The following CIMIP4 variants were observed in gnomAD, a reference collection of about 807,000 sequenced individuals.
CIMIP4 encodes ciliary microtubule inner protein 4.
chr22:36,993,016 CTTTT>C, the CIMIP4 span, among the ~76,000 whole-genome samples: 1 of 136,262 alleles, frequency 7.3e-6, no homozygotes, highest in Non-Finnish European at 1.6e-5. Context: ...TTTTTTTTTT[CTTTT>C]TTTTTTTTTT....
the CIMIP4 span, chr22:36,991,570 C>G: frequency 1.2e-6 from 2 of 1,614,088 alleles, no homozygotes; most frequent in East Asian, 2.2e-5. Flanking sequence ...CTTCATGAGG[C>G]TCTTTGTCTC....
the CIMIP4 span, among the ~76,000 whole-genome samples, chr22:36,994,309 G>GTTA: frequency 0.029 from 4,464 of 151,948 alleles, 202 homozygotes; most frequent in African/African-American, 0.1. Context: ...CCAAGAGATT[G>GTTA]TTATTATTAT....
the CIMIP4 span, chr22:37,004,049 A>G: frequency 6.5e-7 from 1 of 1,533,020 alleles, no homozygotes; most frequent in South Asian, 1.2e-5. Context: ...ACCACGTTTC[A>G]TCGTCTCAGA....
the CIMIP4 span, among the ~76,000 whole-genome samples, chr22:36,993,584 C>A: frequency 6.6e-6 from 1 of 150,604 alleles, no homozygotes; most frequent in Non-Finnish European, 1.5e-5. Context: ...AAAAAATTAG[C>A]CGGGCGTTGT....
At chr22:37,003,746 C>T in the CIMIP4 span, among the ~76,000 whole-genome samples, 1 of 152,180 alleles carries the variant, frequency 6.6e-6, no homozygotes, top group African/African-American at 2.4e-5. Context: ...GGGTGATAAT[C>T]CCTGCACATG....
chr22:37,000,759 T>G, the CIMIP4 span, among the ~76,000 whole-genome samples: 1 of 152,160 alleles, frequency 6.6e-6, no homozygotes, highest in African/African-American at 2.4e-5. Context: ...GAGAAAGGAC[T>G]TCTCCCAAGG....
the CIMIP4 span, chr22:37,004,096 G>A: frequency 7.1e-7 from 1 of 1,407,230 alleles, no homozygotes; most frequent in Non-Finnish European, 9.6e-7. Flanking sequence ...GATGAGCTGG[G>A]AGCTGAACAG....
chr22:36,998,162 G>T, the CIMIP4 span, among the ~76,000 whole-genome samples: 2 of 152,214 alleles, frequency 1.3e-5, no homozygotes, highest in Non-Finnish European at 2.9e-5. Flanking sequence ...TTACATTTAT[G>T]TAGACATTAT....
chr22:36,991,263 CT>C, the CIMIP4 span: 1 of 1,614,146 alleles, frequency 6.2e-7, no homozygotes, highest in Non-Finnish European at 8.5e-7. Flanking sequence ...TAGCATTTTT[CT>C]GGTGCCACCG....
the CIMIP4 span, among the ~76,000 whole-genome samples, chr22:36,994,285 G>A: frequency 6.6e-6 from 1 of 152,146 alleles, no homozygotes; most frequent in South Asian, 2.1e-4. Context: ...ATAGACAAAT[G>A]CAGAATCCCT....
chr22:36,995,314 G>A, the CIMIP4 span, among the ~76,000 whole-genome samples: 1 of 152,184 alleles, frequency 6.6e-6, no homozygotes, highest in Non-Finnish European at 1.5e-5. Context: ...TTTGTATGTG[G>A]CTTGTCCTTA....
At chr22:36,991,852 G>A in the CIMIP4 span, among the ~76,000 whole-genome samples, 1 of 151,958 alleles carries the variant, frequency 6.6e-6, no homozygotes, top group Non-Finnish European at 1.5e-5. Context: ...TTGCATGGTT[G>A]GAAAGACAAA....
At chr22:37,002,241 A>G in the CIMIP4 span, 4 of 1,453,438 alleles carry the variant, frequency 2.8e-6, no homozygotes, top group Non-Finnish European at 3.6e-6. Flanking sequence ...GCCGCTTTCC[A>G]GGGGTCCAAG....
the CIMIP4 span, among the ~76,000 whole-genome samples, chr22:37,005,207 A>T: frequency 6.6e-6 from 1 of 152,102 alleles, no homozygotes; most frequent in Non-Finnish European, 1.5e-5. Flanking sequence ...TTGAAAGTGG[A>T]TCCTTCCCCA....
chr22:36,991,848 G>C, the CIMIP4 span, among the ~76,000 whole-genome samples: 1 of 151,936 alleles, frequency 6.6e-6, no homozygotes, highest in Admixed American at 6.6e-5. Flanking sequence ...TTTTTTGCAT[G>C]GTTGGAAAGA....
the CIMIP4 span, chr22:37,001,860 C>T: frequency 2.5e-6 from 4 of 1,601,540 alleles, no homozygotes; most frequent in Non-Finnish European, 3.4e-6. Flanking sequence ...ACCAGCTGGT[C>T]CACCACATTG....
chr22:36,995,712 T>G, the CIMIP4 span, among the ~76,000 whole-genome samples: 1 of 152,210 alleles, frequency 6.6e-6, no homozygotes, highest in Non-Finnish European at 1.5e-5. Flanking sequence ...AAGGGGAAAC[T>G]TCTTTCACTT....
the CIMIP4 span, among the ~76,000 whole-genome samples, chr22:36,998,009 A>T: frequency 6.6e-6 from 1 of 152,202 alleles, no homozygotes; most frequent in African/African-American, 2.4e-5. Flanking sequence ...ATTTTAAGAC[A>T]GCATTTATGT....
At chr22:37,004,115 G>C in the CIMIP4 span, 10 of 1,224,986 alleles carry the variant, frequency 8.2e-6, no homozygotes, top group Non-Finnish European at 1.1e-5. Context: ...AGGAAGGCCT[G>C]TGGCTGTCTG....
Sources: gnomAD v4.1 joint callset for allele counts (sites outside exome capture counted in the v4.1 genomes callset) on GRCh38, gnomAD v4.1.1 for gene constraint, MANE v1.5 for transcripts, NCBI Gene and HGNC (gene_info 2026-07-23, HGNC 2026-07-21) for gene names.